Variants in KATNIP observed in about 807,000 individuals in gnomAD.
KATNIP encodes the protein katanin interacting protein.
A neutral mutation model predicts 174.0 loss-of-function variants in KATNIP; 126 were observed. That is an observed-to-expected ratio of 0.72 (90% CI 0.63 to 0.84). The LOEUF (loss-of-function observed/expected upper bound fraction) is 0.84. Among genes scored for constraint, KATNIP ranks in the 40% least tolerant of loss-of-function variants. KATNIP has a pLI of 0.00. For missense variants in KATNIP, 1,958 were observed against 2,109.7 expected (o/e 0.93, Z 1.41); for synonymous variants, 810 against 835.7 (o/e 0.97, Z 0.53).
chr16:27,565,638 G>A (rs2090056843), intron 1 of KATNIP, among the ~76,000 whole-genome samples: 2 of 152,148 alleles, frequency 1.3e-5, no homozygotes, highest in Middle Eastern at 3.4e-3. Flanking sequence ...GTAAGTTTTA[G>A]CCAAGTGTGG....
intron 8 of KATNIP, among the ~76,000 whole-genome samples, chr16:27,690,610 G>T (rs2078697065): frequency 2.0e-5 from 3 of 152,144 alleles, no homozygotes; most frequent in Admixed American, 2.0e-4. Context: ...GAGCACTCAG[G>T]CCTAGAACAT....
At chr16:27,660,142 GC>G in intron 6 of KATNIP, 1 of 283,448 alleles carries the variant, frequency 3.5e-6, no homozygotes, top group Non-Finnish European at 5.3e-6. Flanking sequence ...CTCCTCTGGG[GC>G]CCCCATTTCC....
At chr16:27,768,329 G>A (rs2082188569) in intron 20 of KATNIP, among the ~76,000 whole-genome samples, 1 of 152,218 alleles carries the variant, frequency 6.6e-6, no homozygotes, top group Non-Finnish European at 1.5e-5. Flanking sequence ...TGGAGGTGGT[G>A]ATAGAGGTCA....
chr16:27,576,057 GA>G lies in KATNIP; in HGVS notation c.63+2104del, dbSNP rs1267738295. On this transcript the variant is annotated intron_variant, in intron 2 of 27. Transcript: ENST00000261588. The stretch of plus-strand genomic sequence containing the variant: ...GGGTGAAGACCAGCCTGCAAGCCAG[GA>G]AAGAAACCTGAAACCCACCCCTGGC... Among the ~76,000 whole-genome samples the G allele has an allele frequency of 2.0e-5, 3 of 152,332 alleles. No individual in the cohort carries two copies. In the South Asian group the frequency reaches 6.2e-4, roughly 32 times the overall value.
chr16:27,647,311 G>A (rs989780269), intron 5 of KATNIP, among the ~76,000 whole-genome samples: 1 of 151,986 alleles, frequency 6.6e-6, no homozygotes, highest in Non-Finnish European at 1.5e-5. Flanking sequence ...TGTAGGCCAG[G>A]GTTTCCCAAA....
chr16:27,564,126 A>C (rs778085665), intron 1 of KATNIP, among the ~76,000 whole-genome samples: 12 of 152,054 alleles, frequency 7.9e-5, no homozygotes, highest in Non-Finnish European at 1.8e-4. Context: ...GAGCGGGATG[A>C]TAGGAATGAG....
At chr16:27,707,012 G>A (rs1412475169) in intron 12 of KATNIP, among the ~76,000 whole-genome samples, 1 of 152,182 alleles carries the variant, frequency 6.6e-6, no homozygotes, top group Non-Finnish European at 1.5e-5. Context: ...GGGCCCAGCT[G>A]ATCAAAACAG....
At chr16:27,748,993 C>T (rs1056274986) in intron 15 of KATNIP, among the ~76,000 whole-genome samples, 3 of 152,112 alleles carry the variant, frequency 2.0e-5, no homozygotes, top group Non-Finnish European at 4.4e-5. Context: ...CTTTTACAAA[C>T]CTTCCACCTG....
rs1484057274 is a variant in KATNIP at position 27,609,604 on chromosome 16, G to A, written c.64-8821G>A. Among the ~76,000 whole-genome samples, 21 of 151,168 alleles carry A rather than the reference G, an allele frequency of 1.4e-4. No homozygotes were observed. The East Asian group carries it at 2.5e-3, about 18-fold the overall frequency. Reference sequence around the variant, plus strand: ...ACGGGGTTTCACTGTGTTAGCCAGGGTGGTCTCGATCTCCTGACCTCGTGA... The same window carrying A: ...ACGGGGTTTCACTGTGTTAGCCAGGATGGTCTCGATCTCCTGACCTCGTGA... On this transcript the variant is annotated intron_variant, in intron 2 of 27. Transcript: ENST00000261588.
intron 2 of KATNIP, among the ~76,000 whole-genome samples, chr16:27,598,822 G>A (rs1260504299): frequency 6.6e-6 from 1 of 152,176 alleles, no homozygotes; most frequent in Non-Finnish European, 1.5e-5. Flanking sequence ...AGGGGTAAGG[G>A]TAGCAGGCTT....
chr16:27,576,987 G>A (rs1489290021), intron 2 of KATNIP, among the ~76,000 whole-genome samples: 1 of 152,170 alleles, frequency 6.6e-6, no homozygotes, highest in East Asian at 1.9e-4. Flanking sequence ...TTCCAGCCTG[G>A]GTTGGGATCG....
chr16:27,751,082 C>T (rs1003614662), intron 16 of KATNIP, among the ~76,000 whole-genome samples: 2 of 152,142 alleles, frequency 1.3e-5, no homozygotes, highest in Admixed American at 6.5e-5. Flanking sequence ...GGCCTGACCT[C>T]ATTCAGCATC....
At chr16:27,615,686 TGAGA>T (rs1188549982) in intron 2 of KATNIP, among the ~76,000 whole-genome samples, 1 of 151,828 alleles carries the variant, frequency 6.6e-6, no homozygotes. Flanking sequence ...ATCATGAGGA[TGAGA>T]GAGAGAGAAA....
At chr16:27,615,993 T>C (rs545040789) in intron 2 of KATNIP, among the ~76,000 whole-genome samples, 26 of 152,270 alleles carry the variant, frequency 1.7e-4, no homozygotes, top group Non-Finnish European at 3.7e-4. Flanking sequence ...ATTTAAAACT[T>C]AATCCCCATA....
chr16:27,701,626 C>T lies in KATNIP; in HGVS notation c.1217C>T (p.Pro406Leu), dbSNP rs199966457. ...PITTATTTQE[P>L]AGAAGGARAI... ...ACCACGGCGACTACTACTCAGGAGC[C>T]GGCCGGGGCAGCAGGAGGAGCCAGG... Residue 406 changes from proline to leucine, a missense_variant, in exon 11 of 28, where the codon CCG (proline) becomes CTG (leucine). Coordinates refer to ENST00000261588, the MANE Select transcript of KATNIP (RefSeq NM_015202.5). 290 of 1,605,982 alleles carry T rather than the reference C, an allele frequency of 1.8e-4. No homozygotes were observed. The highest frequency in any genetic ancestry group is 2.3e-4 in the Non-Finnish European group (266 of 1,176,806).
At position 27,778,960 on chromosome 16, in the gene KATNIP, A is replaced by C; in HGVS notation, c.*331A>C. On this transcript the variant is annotated 3_prime_UTR_variant, in exon 28 of 28. Coordinates refer to ENST00000261588, the MANE Select transcript of KATNIP (RefSeq NM_015202.5). The stretch of plus-strand genomic sequence containing the variant: ...GCTGACCCTGACTCAGAACAGGACA[A>C]TGACGGGGTGGGGAGGCATCCCATC... 3 of 265,728 alleles carry C rather than the reference A, an allele frequency of 1.1e-5. No individual in the cohort carries two copies. The highest frequency in any genetic ancestry group is 1.4e-5 in the Non-Finnish European group (2 of 141,628). 16.5% of individuals were successfully genotyped at this position (265,728 alleles called of 1,614,324 possible).
In KATNIP at chr16:27,777,816, G is replaced by A. The variant is rs781104496; in HGVS notation, c.4712+46G>A. Reference sequence around the variant, plus strand: ...ATGGCCTCCCCACCAGCCCTAAGGAGGATGGATGGCTGGGACACACGGCCA... The same window carrying A: ...ATGGCCTCCCCACCAGCCCTAAGGAAGATGGATGGCTGGGACACACGGCCA... On this transcript the variant is annotated intron_variant, in intron 26 of 27. Transcript: ENST00000261588. The surrounding 1 kb of genome is among the most constrained non-coding windows in gnomAD (Gnocchi z 4.4). The A allele has an allele frequency of 8.1e-6, 13 of 1,613,206 alleles. No individual in the cohort carries two copies. Among genetic ancestry groups the A allele is most frequent in the Non-Finnish European group, 1.1e-5 (13 of 1,179,236 alleles).
intron 6 of KATNIP, among the ~76,000 whole-genome samples, chr16:27,670,046 AAAAG>A (rs2077839849): frequency 6.6e-6 from 1 of 152,232 alleles, no homozygotes; most frequent in Non-Finnish European, 1.5e-5. Flanking sequence ...TAAAAGAAGA[AAAAG>A]AAACCAAATT....
In KATNIP at chr16:27,740,162, A is replaced by G. The variant is rs1008176499; in HGVS notation, c.1865A>G (p.Lys622Arg). 13 of 1,614,080 alleles carry G rather than the reference A, an allele frequency of 8.1e-6. No individual in the cohort carries two copies. The highest frequency in any genetic ancestry group is 1.1e-5 in the Non-Finnish European group (13 of 1,180,044). Residue 622 changes from lysine (K) to arginine (R), a missense_variant, in exon 15 of 28, where the codon AAG (lysine) becomes AGG (arginine). By Grantham distance (26) the Lys-to-Arg change is conservative. Coordinates refer to ENST00000261588, the MANE Select transcript of KATNIP (RefSeq NM_015202.5). ...GACCACAGCATCCTGGTTGACCAGA[A>G]GAACGAGAAGAGCGAGCAACTAGAG... ...PADHSILVDQ[K>R]NEKSEQLEEA...
Sources: allele counts gnomAD v4.1 joint callset (sites outside exome capture counted in the v4.1 genomes callset), GRCh38; gene constraint gnomAD v4.1.1; non-coding constraint Gnocchi (gnomAD v3.1); transcripts MANE v1.5; gene names NCBI Gene and HGNC (gene_info 2026-07-23, HGNC 2026-07-21).